ADGRL3: variants seen among roughly 807,000 people sequenced by gnomAD.
ADGRL3 encodes the protein adhesion G protein-coupled receptor L3, also known as calcium-independent alpha-latrotoxin receptor 3.
Under a neutral mutation model 153.5 loss-of-function variants are expected in ADGRL3, and 62 were observed. That is an observed-to-expected ratio of 0.40 (90% CI 0.33 to 0.50). The LOEUF is 0.50. Among genes scored for constraint, ADGRL3 ranks in the 20% least tolerant of loss-of-function variants. The pLI is 0.47. For missense variants in ADGRL3, 1,641 were observed against 1,859.4 expected, an observed-to-expected ratio of 0.88 and a Z score of 2.16; for synonymous variants, 710 against 672.5, an observed-to-expected ratio of 1.06 and a Z score of -0.86.
chr4:61,278,263 A>G (rs943632545), intron 1 of ADGRL3, among the ~76,000 whole-genome samples: 11 of 152,154 alleles, frequency 7.2e-5, no homozygotes, highest in Non-Finnish European at 1.6e-4. Flanking sequence ...CCTGACAGAC[A>G]TGCAGCTAAG....
chr4:61,833,958 CTTTTTTTTTT>C (rs113049750), intron 9 of ADGRL3, among the ~76,000 whole-genome samples: 1 of 123,464 alleles, frequency 8.1e-6, no homozygotes, highest in Admixed American at 8.1e-5. Context: ...AAGGCAGCTT[CTTTTTTTTTT>C]TTTTTTTTTA....
At chr4:61,783,781 T>C (rs1018755922) in intron 8 of ADGRL3, among the ~76,000 whole-genome samples, 2 of 152,150 alleles carry the variant, frequency 1.3e-5, no homozygotes, top group Non-Finnish European at 2.9e-5. Context: ...TAATAATAAA[T>C]CTTAAACAAA....
chr4:61,847,829 A>T (rs374263186), intron 9 of ADGRL3, among the ~76,000 whole-genome samples: 650 of 9,880 alleles, frequency 0.066, 71 homozygotes, highest in Non-Finnish European at 0.13. Flanking sequence ...ATATAATATA[A>T]AATATATATA....
intron 9 of ADGRL3, among the ~76,000 whole-genome samples, chr4:61,827,285 G>A (rs1000614741): frequency 1.3e-5 from 2 of 152,182 alleles, no homozygotes; most frequent in African/African-American, 4.8e-5. Context: ...CACGGATAGT[G>A]TTAGACTTTT....
rs542295243 is a variant in ADGRL3 at position 61,561,356 on chromosome 4, A to C, written c.260-25871A>C. On this transcript the variant is annotated intron_variant, in intron 4 of 26. Transcript: ENST00000683033. ...AAAATGATAGACATTTTATTGATCAAGATTTAATTGCTTCAAACTACATCT... is the reference window on the plus strand; with the variant it reads ...AAAATGATAGACATTTTATTGATCACGATTTAATTGCTTCAAACTACATCT... Among the ~76,000 whole-genome samples, 15 of 152,334 alleles carry C rather than the reference A, an allele frequency of 9.8e-5. No individual in the cohort carries two copies. In the South Asian group the frequency reaches 3.1e-3, roughly 32 times the overall value.
At chr4:61,972,484 T>A (rs905392828) in intron 17 of ADGRL3, among the ~76,000 whole-genome samples, 1 of 152,164 alleles carries the variant, frequency 6.6e-6, no homozygotes. Context: ...GCGGTGTTAT[T>A]TCTGAGGGCT....
chr4:61,869,969 AGAGAGAAAGAGAGAGAGAGAGG>A (rs1482160890), intron 9 of ADGRL3, among the ~76,000 whole-genome samples: 1,262 of 101,724 alleles, frequency 0.012, 6 homozygotes, highest in Non-Finnish European at 0.016. Flanking sequence ...AAAGAGAGAG[AGAGAGAAAGAGAGAGAGAGAGG>A]GAGAGAGAGA....
chr4:61,491,959 G>C (rs922249892), intron 2 of ADGRL3, among the ~76,000 whole-genome samples: 1 of 151,966 alleles, frequency 6.6e-6, no homozygotes, highest in African/African-American at 2.4e-5. Context: ...TGATAATTCT[G>C]AATGCTCCTA....
intron 1 of ADGRL3, among the ~76,000 whole-genome samples, chr4:61,224,016 A>G (rs1333873929): frequency 6.6e-6 from 1 of 152,110 alleles, no homozygotes; most frequent in African/African-American, 2.4e-5. Flanking sequence ...AAATTTTTTG[A>G]AATAATTTTT....
At chr4:61,765,896 A>G (rs2096971852) in intron 8 of ADGRL3, among the ~76,000 whole-genome samples, 1 of 152,150 alleles carries the variant, frequency 6.6e-6, no homozygotes, top group Non-Finnish European at 1.5e-5. Context: ...GCAGAATAGC[A>G]GATGGAACAC....
chr4:61,320,084 G>A (rs2095323463), intron 1 of ADGRL3, among the ~76,000 whole-genome samples: 1 of 152,116 alleles, frequency 6.6e-6, no homozygotes, highest in Non-Finnish European at 1.5e-5. Context: ...CCATATGAGG[G>A]CACAGTGAAA....
chr4:61,657,264 C>T (rs1345366952), intron 5 of ADGRL3, among the ~76,000 whole-genome samples: 1 of 152,016 alleles, frequency 6.6e-6, no homozygotes, highest in African/African-American at 2.4e-5. Context: ...ATAGGGAATG[C>T]TGCAGAAGGA....
intron 17 of ADGRL3, among the ~76,000 whole-genome samples, chr4:61,969,734 T>C (rs986650160): frequency 3.9e-5 from 6 of 152,246 alleles, no homozygotes; most frequent in East Asian, 3.9e-4. Flanking sequence ...TCTAGAGTAA[T>C]GCAACAGTGG....
At chr4:61,420,412 T>A (rs2152328819) in intron 2 of ADGRL3, 1 of 138,968 alleles carries the variant, frequency 7.2e-6, no homozygotes, top group South Asian at 2.5e-4. Context: ...TTTTTTTTTT[T>A]TTTTTTTTTT....
intron 21 of ADGRL3, among the ~76,000 whole-genome samples, chr4:62,025,927 A>G (rs1718292502): frequency 6.6e-6 from 1 of 152,124 alleles, no homozygotes; most frequent in Admixed American, 6.6e-5. Flanking sequence ...TGCTTTTTCA[A>G]ATTAAAAGGA....
At chr4:61,241,294 G>A (rs1354821585) in intron 1 of ADGRL3, among the ~76,000 whole-genome samples, 2 of 151,960 alleles carry the variant, frequency 1.3e-5, no homozygotes, top group Non-Finnish European at 1.5e-5. Flanking sequence ...GATAGTTTTC[G>A]TGAGCATGTA....
At chr4:62,006,030 ATAT>A (rs1560495323) in intron 21 of ADGRL3, among the ~76,000 whole-genome samples, 9 of 80,256 alleles carry the variant, frequency 1.1e-4, no homozygotes, top group East Asian at 3.1e-4. Context: ...ATATATATAT[ATAT>A]TTTTTTTTTT....
chr4:61,666,045 A>G (rs563531403), intron 5 of ADGRL3, among the ~76,000 whole-genome samples: 49 of 152,180 alleles, frequency 3.2e-4, no homozygotes, highest in Non-Finnish European at 6.6e-4. Flanking sequence ...ACTCTTCAAA[A>G]ATCTGTAGAT....
At chr4:61,753,241 A>C (rs192627760) in intron 8 of ADGRL3, among the ~76,000 whole-genome samples, 1 of 152,154 alleles carries the variant, frequency 6.6e-6, no homozygotes, top group Admixed American at 6.5e-5. Context: ...AAAAAAAAAA[A>C]AAAACAAAGA....
Sources: allele counts gnomAD v4.1 joint callset (sites outside exome capture counted in the v4.1 genomes callset), GRCh38; gene constraint gnomAD v4.1.1; transcripts MANE v1.5; gene names NCBI Gene and HGNC (gene_info 2026-07-23, HGNC 2026-07-21).